Variants in CUX2 observed in about 807,000 individuals in gnomAD.
CUX2 encodes the protein cut like homeobox 2, also known as homeobox protein cut-like 2.
In CUX2, 40 loss-of-function variants were observed where a neutral mutation model predicts 144.8. The ratio of observed to expected loss-of-function variants is 0.28; its 90% confidence interval spans 0.21 to 0.36. The LOEUF is 0.36. Among genes scored for constraint, CUX2 ranks in the 10% least tolerant of loss-of-function variants. The pLI, the probability that CUX2 is intolerant of heterozygous loss-of-function variation, is 1.00. For synonymous variants in CUX2, 827 were observed against 875.6 expected (o/e 0.94, Z 0.98); for missense variants, 1,615 against 1,994.0 (o/e 0.81, Z 3.62).
chr12:111,062,830 G>C (rs1870839672), intron 1 of CUX2, among the ~76,000 whole-genome samples: 1 of 152,196 alleles, frequency 6.6e-6, no homozygotes, highest in Non-Finnish European at 1.5e-5. Context: ...TAGAGGGTAG[G>C]AGCGAGATGT....
At chr12:111,336,766 T>C (rs1004340298) in intron 19 of CUX2, among the ~76,000 whole-genome samples, 1 of 152,068 alleles carries the variant, frequency 6.6e-6, no homozygotes, top group Non-Finnish European at 1.5e-5. Context: ...AGTTTTTTAA[T>C]GTCTCTTTGA....
intron 3 of CUX2, among the ~76,000 whole-genome samples, chr12:111,218,428 G>A (rs7133769): frequency 0.027 from 4,038 of 152,150 alleles, 185 homozygotes; most frequent in African/African-American, 0.092. Context: ...AGGTGGGAGG[G>A]CTGCTTAAAC....
chr12:111,056,431 C>T (rs1157101319), intron 1 of CUX2, among the ~76,000 whole-genome samples: 1 of 152,212 alleles, frequency 6.6e-6, no homozygotes, highest in Non-Finnish European at 1.5e-5. Flanking sequence ...CCACATCTGG[C>T]AATTGATGCT....
intron 16 of CUX2, among the ~76,000 whole-genome samples, chr12:111,317,151 A>G (rs530506466): frequency 1.2e-4 from 18 of 152,352 alleles, no homozygotes; most frequent in Admixed American, 8.5e-4. Flanking sequence ...TGGGTCTAAG[A>G]GGACCCACTA....
intron 1 of CUX2, among the ~76,000 whole-genome samples, chr12:111,175,886 TG>T (rs760986347): frequency 3.9e-5 from 6 of 151,924 alleles, no homozygotes; most frequent in Non-Finnish European, 8.8e-5. Flanking sequence ...ACGGCTGAAC[TG>T]TTGAACTTAG....
chr12:111,150,117 T>C (rs1876941156), intron 1 of CUX2, among the ~76,000 whole-genome samples: 2 of 152,232 alleles, frequency 1.3e-5, no homozygotes, highest in African/African-American at 4.8e-5. Flanking sequence ...CAAAGGTTTG[T>C]CCACTGCTAC....
At position 111,298,727 on chromosome 12, in the gene CUX2, G is replaced by A. The variant is rs537915858; in HGVS notation, c.753+138G>A. On this transcript the variant is annotated intron_variant, in intron 9 of 21. Transcript: ENST00000261726. ...GTGGGTCTTGTGCATGCCAAGTGAG[G>A]GAGCCAGGAGGAGTCTGGGCCCCAG... 8 of 953,810 alleles carry A rather than the reference G, an allele frequency of 8.4e-6. No homozygotes were observed. The East Asian group carries it at 1.3e-4, about 16-fold the overall frequency. 59.1% of individuals were successfully genotyped at this position (953,810 alleles called of 1,614,324 possible).
intron 1 of CUX2, among the ~76,000 whole-genome samples, chr12:111,163,142 T>C (rs1379179312): frequency 1.3e-5 from 2 of 151,998 alleles, no homozygotes; most frequent in Non-Finnish European, 2.9e-5. Context: ...TGACCACTCC[T>C]AACCTCTTCA....
At chr12:111,096,425 C>T (rs1370960168) in intron 1 of CUX2, among the ~76,000 whole-genome samples, 3 of 152,130 alleles carry the variant, frequency 2.0e-5, no homozygotes, top group East Asian at 3.9e-4. Context: ...GAGTGGGAGG[C>T]GGGGCCCTTT....
At chr12:111,278,477 G>A (rs1884980398) in intron 4 of CUX2, among the ~76,000 whole-genome samples, 2 of 152,170 alleles carry the variant, frequency 1.3e-5, no homozygotes, top group Admixed American at 6.5e-5. Flanking sequence ...TCTTTGAGGA[G>A]CCATTATTCT....
chr12:111,291,873 G>T (rs1188672540), intron 5 of CUX2, among the ~76,000 whole-genome samples: 2 of 152,112 alleles, frequency 1.3e-5, no homozygotes, highest in Non-Finnish European at 2.9e-5. Flanking sequence ...TCCATGGCCA[G>T]CCCCAAAGCA....
rs547125120 is a variant in CUX2 at position 111,088,711 on chromosome 12, G to A, written c.63+54471G>A. The stretch of plus-strand genomic sequence containing the variant: ...AGCTGGCAAATGGTAGAGACAGGAC[G>A]CAGACCTGGGAGTGTCAGGCCCTGA... On this transcript the variant is annotated intron_variant, in intron 1 of 21. Transcript: ENST00000261726. Among the ~76,000 whole-genome samples the A allele has an allele frequency of 1.9e-3, 297 of 152,326 alleles. 2 individuals carry two copies. Among genetic ancestry groups the A allele is most frequent in the African/African-American group, 6.9e-3 (286 of 41,582 alleles).
At chr12:111,207,330 T>C (rs1880975105) in intron 1 of CUX2, among the ~76,000 whole-genome samples, 1 of 152,224 alleles carries the variant, frequency 6.6e-6, no homozygotes, top group Non-Finnish European at 1.5e-5. Flanking sequence ...TAAAATTACT[T>C]ATACCCAAGC....
Position 111,310,645 on chromosome 12 carries a change from T to G in CUX2, c.1863T>G (p.Asn621Lys). The G allele has an allele frequency of 6.2e-7, 1 of 1,606,110 alleles. No homozygotes were observed. Among genetic ancestry groups the G allele is most frequent in the Non-Finnish European group, 8.5e-7 (1 of 1,174,276 alleles). ...AGCAGTTCCTGTCGGATGAGCAGAA[T>G]GTACTGGCGCTCAGGACCATCCAAG... is the stretch of plus-strand genomic sequence containing the variant. The part of the protein sequence containing the change: ...KMKQFLSDEQ[N>K]VLALRTIQVR... Residue 621 changes from asparagine (N) to lysine (K), a missense_variant, in exon 15 of 22, where the codon AAT (asparagine) becomes AAG (lysine). By Grantham distance (94) the Asn-to-Lys change is moderately conservative. Around this residue, in one of 12 missense-constraint regions of CUX2, gnomAD observed 71 missense variants for 142.3 expected, o/e 0.50. Transcript: ENST00000261726. This position sits in a 1 kb window ranked among gnomAD's most constrained non-coding sequence, Gnocchi z 7.9.
chr12:111,193,581 G>A (rs1242957302), intron 1 of CUX2, among the ~76,000 whole-genome samples: 4 of 152,146 alleles, frequency 2.6e-5, no homozygotes, highest in Admixed American at 6.6e-5. Flanking sequence ...TTGTAACGCC[G>A]GCCGCACATC....
intron 1 of CUX2, among the ~76,000 whole-genome samples, chr12:111,078,924 C>T (rs543770511): frequency 1.3e-5 from 2 of 152,140 alleles, no homozygotes; most frequent in African/African-American, 4.8e-5. Context: ...AGGAGTCGTG[C>T]GTGGGAACAC....
intron 3 of CUX2, among the ~76,000 whole-genome samples, chr12:111,258,667 C>A (rs1366111968): frequency 6.6e-6 from 1 of 152,080 alleles, no homozygotes; most frequent in African/African-American, 2.4e-5. Context: ...TGAACTGATT[C>A]ACACTGAGTG....
At chr12:111,130,645 G>T (rs1875410363) in intron 1 of CUX2, among the ~76,000 whole-genome samples, 2 of 152,196 alleles carry the variant, frequency 1.3e-5, no homozygotes, top group Non-Finnish European at 2.9e-5. Flanking sequence ...CATGTCTCTG[G>T]TCCTTCCCAG....
chr12:111,339,066 CTACTAAAAATAAAAAAT>C (rs1888472860), intron 20 of CUX2, among the ~76,000 whole-genome samples: 2 of 151,914 alleles, frequency 1.3e-5, no homozygotes, highest in Admixed American at 1.3e-4. Flanking sequence ...AACCCTGTCT[CTACTAAAAATAAAAAAT>C]TAGCTGGGCA....
Sources: gnomAD v4.1 joint callset for allele counts (sites outside exome capture counted in the v4.1 genomes callset) on GRCh38, gnomAD v4.1.1 for gene constraint, gnomAD v4.1.1 regional missense constraint, Gnocchi (gnomAD v3.1) non-coding constraint, MANE v1.5 for transcripts, NCBI Gene and HGNC (gene_info 2026-07-23, HGNC 2026-07-21) for gene names.